Variants in TRIM74 observed in about 807,000 individuals in gnomAD.
TRIM74 encodes tripartite motif-containing protein 74.
A neutral mutation model predicts 14.5 loss-of-function variants in TRIM74; 3 were observed. The observed-to-expected ratio is 0.21, with a 90% CI of 0.09 to 0.53. The LOEUF (loss-of-function observed/expected upper bound fraction) is 0.53, where lower values mean the gene tolerates loss of function less well. Among genes scored for constraint, TRIM74 ranks in the 20% least tolerant of loss-of-function variants. The probability of loss-of-function intolerance (pLI) is 0.95; values close to 1 mark genes in which losing one functional copy is unlikely to be tolerated. For missense variants in TRIM74, 26 were observed against 174.0 expected (o/e 0.15, Z 4.79); for synonymous variants, 10 against 71.3 (o/e 0.14, Z 4.33).
downstream of TRIM74, chr7:72,955,111 A>ATATATATATATATATAATTTT: frequency 8.9e-6 from 1 of 112,060 alleles, no homozygotes; most frequent in African/African-American, 4.1e-5. Flanking sequence ...ATATATATAT[A>ATATATATATATATATAATTTT]TTTTTTTTTT....
chr7:72,955,715 C>T (rs1366587428), downstream of TRIM74, among the ~76,000 whole-genome samples: 20 of 139,318 alleles, frequency 1.4e-4, 1 homozygote, highest in African/African-American at 5.0e-4. Flanking sequence ...CTCCGTCACC[C>T]AGGCTGGAGT....
intron 1 of TRIM74, among the ~76,000 whole-genome samples, chr7:72,967,633 T>TA (rs1388881226): frequency 1.1e-5 from 1 of 92,210 alleles, no homozygotes; most frequent in Non-Finnish European, 2.1e-5. Flanking sequence ...TTTTTTTTTT[T>TA]ATTTTATTGT....
chr7:72,954,958 C>T (rs1166471450), downstream of TRIM74: 1 of 594,912 alleles, frequency 1.7e-6, no homozygotes, highest in Non-Finnish European at 3.0e-6. Context: ...GTTCTTCAGT[C>T]TTTGTCAATC....
chr7:72,955,156 T>C (rs2129581834), downstream of TRIM74, among the ~76,000 whole-genome samples: 1 of 131,184 alleles, frequency 7.6e-6, no homozygotes, highest in East Asian at 2.2e-4. Context: ...TCGCGCAGTG[T>C]CGCGATCTTG....
At chr7:72,966,384 C>CGTGTGTGTGTGTGT (rs58047233) in intron 1 of TRIM74, among the ~76,000 whole-genome samples, 1 of 131,470 alleles carries the variant, frequency 7.6e-6, no homozygotes, top group East Asian at 2.0e-4. Flanking sequence ...CTTGAAGATA[C>CGTGTGTGTGTGTGT]GTGTGTGTGT....
chr7:72,967,246 T>TGG (rs1286176329), intron 1 of TRIM74, among the ~76,000 whole-genome samples: 51 of 100,846 alleles, frequency 5.1e-4, no homozygotes, highest in Admixed American at 1.3e-3. Context: ...TATCCTTTTT[T>TGG]GGGGGGGGTG....
chr7:72,962,673 T>A (rs1330297887), intron 2 of TRIM74, among the ~76,000 whole-genome samples: 2 of 101,414 alleles, frequency 2.0e-5, no homozygotes, highest in African/African-American at 4.2e-5. Flanking sequence ...AGAGCGAGAC[T>A]CCGTCTCAAA....
Position 72,960,252 on chromosome 7 carries a change from C to T in TRIM74, c.496-1G>A. Reference sequence around the variant, plus strand: ...CCCAGCTGAAGACATCCGACTCATTCTGGGACAGGGAGGGCTGCTCACTGC... The same window carrying T: ...CCCAGCTGAAGACATCCGACTCATTTTGGGACAGGGAGGGCTGCTCACTGC... On this transcript the variant is annotated splice_acceptor_variant, in intron 3 of 4. Coordinates refer to ENST00000285805, the MANE Select transcript of TRIM74 (RefSeq NM_198853.3). LOFTEE classifies it high-confidence loss of function. 1 of 1,285,032 alleles carries T rather than the reference C, an allele frequency of 7.8e-7. No individual in the cohort carries two copies. The highest frequency in any genetic ancestry group is 1.0e-6 in the Non-Finnish European group (1 of 973,680). 79.6% of individuals were successfully genotyped at this position (1,285,032 alleles called of 1,614,324 possible).
At chr7:72,955,111 A>ATATATATATATATATATTT (rs1346659193), downstream of TRIM74, 15 of 112,050 alleles carry the variant, frequency 1.3e-4, no homozygotes, top group African/African-American at 5.0e-4. Context: ...ATATATATAT[A>ATATATATATATATATATTT]TTTTTTTTTT....
chr7:72,967,091 G>A (rs1378336495), intron 1 of TRIM74: 1 of 153,732 alleles, frequency 6.5e-6, no homozygotes, highest in East Asian at 1.9e-4. Context: ...GGCCTGCTCT[G>A]ATAACATTCA....
At chr7:72,966,387 G>C (rs1554507259) in intron 1 of TRIM74, among the ~76,000 whole-genome samples, 1 of 136,748 alleles carries the variant, frequency 7.3e-6, no homozygotes, top group Non-Finnish European at 1.5e-5. Flanking sequence ...GAAGATACGT[G>C]TGTGTGTGTG....
chr7:72,967,040 A>T (rs1318196056), intron 1 of TRIM74: 1 of 150,896 alleles, frequency 6.6e-6, no homozygotes, highest in Non-Finnish European at 1.5e-5. Context: ...ATCAGGTGGA[A>T]ACTGGGTTAC....
chr7:72,967,247 GGGGGGGGT>G (rs1798305979), intron 1 of TRIM74, among the ~76,000 whole-genome samples: 1 of 145,918 alleles, frequency 6.9e-6, no homozygotes, highest in Non-Finnish European at 1.5e-5. Flanking sequence ...ATCCTTTTTT[GGGGGGGGT>G]GGGGGGCTGG....
At chr7:72,955,136 A>C (rs1798070838), downstream of TRIM74, among the ~76,000 whole-genome samples, 3 of 132,510 alleles carry the variant, frequency 2.3e-5, no homozygotes, top group Admixed American at 7.5e-5. Context: ...AGACAAAAAG[A>C]CTCACTCTGT....
chr7:72,969,508 G>C, upstream of TRIM74: 1 of 805,966 alleles, frequency 1.2e-6, no homozygotes, highest in Non-Finnish European at 2.0e-6. Context: ...GCCCCTGCAA[G>C]TGCCCAATGT....
downstream of TRIM74, chr7:72,954,975 A>C (rs1430910035): frequency 6.8e-6 from 4 of 585,494 alleles, no homozygotes; most frequent in Admixed American, 9.2e-5. Flanking sequence ...AATCTGATGG[A>C]TAAATAATGG....
At chr7:72,955,332 G>A (rs1554505515), downstream of TRIM74, among the ~76,000 whole-genome samples, 2 of 130,280 alleles carry the variant, frequency 1.5e-5, no homozygotes, top group Non-Finnish European at 3.2e-5. Context: ...CCTGACCTTA[G>A]GTGATCTGCC....
chr7:72,957,705 CAGG>C (rs1554505854), downstream of TRIM74, among the ~76,000 whole-genome samples: 1 of 134,030 alleles, frequency 7.5e-6, no homozygotes, highest in African/African-American at 2.9e-5. Flanking sequence ...CGAGGAGAGG[CAGG>C]AGGAGAGGCA....
At chr7:72,967,189 C>T (rs532723290) in intron 1 of TRIM74, among the ~76,000 whole-genome samples, 1 of 152,224 alleles carries the variant, frequency 6.6e-6, no homozygotes, top group South Asian at 2.1e-4. Context: ...CAGGAGCAGA[C>T]AGGTGCTGGG....
Sources: allele counts gnomAD v4.1 joint callset (sites outside exome capture counted in the v4.1 genomes callset), GRCh38; gene constraint gnomAD v4.1.1; transcripts MANE v1.5; gene names NCBI Gene and HGNC (gene_info 2026-07-23, HGNC 2026-07-21).